UBR3: variants seen among roughly 807,000 people sequenced by gnomAD.
UBR3 encodes ubiquitin protein ligase E3 component n-recognin 3.
UBR3 carries 85 observed loss-of-function variants against 243.2 expected under a neutral mutation model. The ratio of observed to expected loss-of-function variants is 0.35; its 90% confidence interval spans 0.29 to 0.42. UBR3 has a LOEUF of 0.42. UBR3 is among the 10% of genes least tolerant of loss of function. The pLI is 1.00. For synonymous variants in UBR3, 748 were observed against 799.8 expected (o/e 0.94, Z 1.09); for missense variants, 1,686 against 2,300.8 (o/e 0.73, Z 5.47).
intron 27 of UBR3, among the ~76,000 whole-genome samples, chr2:170,003,917 G>C (rs1350534562): frequency 2.0e-5 from 3 of 152,216 alleles, no homozygotes; most frequent in Admixed American, 6.5e-5. Flanking sequence ...TAGGATTACA[G>C]GCGTGAGCCA....
chr2:170,007,076 A>AT lies in UBR3; in HGVS notation c.4117dup (p.Cys1373LeufsTer10). ...GGCAGTTTGCTAACAGTGTTCTTCC[A>AT]TGTTATCCTGGAAGCAATGTGGAAA... On this transcript the variant is annotated frameshift_variant, in exon 28 of 39. Transcript: ENST00000272793. LOFTEE classifies it high-confidence loss of function. 6.2e-7 allele frequency: 1 copy of AT among 1,613,516 alleles called. No homozygotes were observed. Among genetic ancestry groups the AT allele is most frequent in the Non-Finnish European group, 8.5e-7 (1 of 1,179,890 alleles).
chr2:169,875,090 C>G (rs1460462613), intron 2 of UBR3, among the ~76,000 whole-genome samples: 2 of 151,714 alleles, frequency 1.3e-5, no homozygotes, highest in African/African-American at 4.8e-5. Flanking sequence ...ACTTTAGTTG[C>G]TTTGACCTTC....
intron 32 of UBR3, among the ~76,000 whole-genome samples, chr2:170,044,715 A>G (rs2091042548): frequency 6.6e-6 from 1 of 152,184 alleles, no homozygotes; most frequent in African/African-American, 2.4e-5. Context: ...GAAGTGTGAA[A>G]GTAGGCAGGC....
intron 38 of UBR3, 143 bp from the exon 39 acceptor site, chr2:170,081,583 G>A (rs1197841710): frequency 3.0e-5 from 14 of 469,592 alleles, no homozygotes; most frequent in Admixed American, 2.9e-4. Flanking sequence ...CCAGCTACTC[G>A]AGAGGCTGAG....
chr2:170,081,341 A>G (rs927076628), intron 38 of UBR3, among the ~76,000 whole-genome samples: 14 of 152,088 alleles, frequency 9.2e-5, no homozygotes, highest in Admixed American at 4.6e-4. Context: ...TCTACTAAAA[A>G]TACAAAAAAT....
intron 31 of UBR3, among the ~76,000 whole-genome samples, chr2:170,030,552 T>A (rs1237642561): frequency 1.3e-5 from 2 of 152,156 alleles, no homozygotes; most frequent in South Asian, 2.1e-4. Flanking sequence ...TTCCTAATAA[T>A]ATTAACATAA....
At chr2:169,880,355 A>G (rs1178863802) in intron 5 of UBR3, among the ~76,000 whole-genome samples, 2 of 152,248 alleles carry the variant, frequency 1.3e-5, no homozygotes, top group Non-Finnish European at 2.9e-5. Flanking sequence ...GCCTAGCATT[A>G]TGTATCCAAC....
intron 19 of UBR3, among the ~76,000 whole-genome samples, chr2:169,934,474 G>A (rs1486336752): frequency 6.6e-6 from 1 of 152,080 alleles, no homozygotes; most frequent in African/African-American, 2.4e-5. Flanking sequence ...CATATTTATT[G>A]AATGCTCTGC....
intron 24 of UBR3, among the ~76,000 whole-genome samples, chr2:169,967,537 G>C (rs1264311260): frequency 6.6e-6 from 1 of 152,116 alleles, no homozygotes; most frequent in Non-Finnish European, 1.5e-5. Flanking sequence ...CGTAGGAATT[G>C]AAAAGGGTGG....
intron 24 of UBR3, among the ~76,000 whole-genome samples, chr2:169,971,611 G>C (rs2088149175): frequency 2.0e-5 from 3 of 151,960 alleles, no homozygotes; most frequent in Admixed American, 2.0e-4. Flanking sequence ...GTTTTTCTCA[G>C]GTTTGTCAAA....
At position 169,920,151 on chromosome 2, in the gene UBR3, T is replaced by C. The variant is rs578258018; in HGVS notation, c.1867-3778T>C. ...TATTCCAGCCATAAAAAATGATGAGTTCATGTCCTTTGTAGGGACATGGAT... is the reference window on the plus strand; with the variant it reads ...TATTCCAGCCATAAAAAATGATGAGCTCATGTCCTTTGTAGGGACATGGAT... On this transcript the variant is annotated intron_variant, in intron 11 of 38. Coordinates refer to ENST00000272793, the MANE Select transcript of UBR3 (RefSeq NM_172070.4). 1.4e-3 allele frequency among the ~76,000 whole-genome samples: 217 copies of C among 152,182 alleles called. 1 individual carries two copies. Among genetic ancestry groups the C allele is most frequent in the African/African-American group, 5.1e-3 (210 of 41,506 alleles).
chr2:170,004,568 CA>C (rs1388341807), intron 27 of UBR3, among the ~76,000 whole-genome samples: 2 of 151,642 alleles, frequency 1.3e-5, no homozygotes, highest in African/African-American at 2.4e-5. Flanking sequence ...GTAAAGGGGG[CA>C]GGGGTGGGGA....
chr2:169,996,847 C>G (rs1001252991), intron 26 of UBR3, among the ~76,000 whole-genome samples: 3 of 151,804 alleles, frequency 2.0e-5, no homozygotes, highest in Admixed American at 1.3e-4. Context: ...CTACAGGCGC[C>G]CACCACCATG....
At chr2:170,054,692 A>AT (rs1339189949) in intron 32 of UBR3, among the ~76,000 whole-genome samples, 2 of 151,962 alleles carry the variant, frequency 1.3e-5, no homozygotes, top group Admixed American at 6.6e-5. Context: ...AAACATCAAG[A>AT]TTTTTTTTAA....
At chr2:169,894,957 C>A (rs2084525631) in intron 6 of UBR3, among the ~76,000 whole-genome samples, 1 of 152,160 alleles carries the variant, frequency 6.6e-6, no homozygotes, top group South Asian at 2.1e-4. Context: ...TCCCCCCATT[C>A]ATTTTTCCAC....
chr2:169,905,673 C>T (rs1325558790), intron 9 of UBR3, among the ~76,000 whole-genome samples: 1 of 152,168 alleles, frequency 6.6e-6, no homozygotes, highest in Non-Finnish European at 1.5e-5. Context: ...CTGTGCCTGG[C>T]TTTGAAGCAT....
At chr2:170,067,724 TAATTCTA>T (rs1288811847) in intron 35 of UBR3, among the ~76,000 whole-genome samples, 1 of 151,766 alleles carries the variant, frequency 6.6e-6, no homozygotes, top group Non-Finnish European at 1.5e-5. Context: ...ATAAGCATCA[TAATTCTA>T]AGTAATTTGT....
At chr2:170,042,081 A>G (rs1026122360) in intron 32 of UBR3, among the ~76,000 whole-genome samples, 1 of 152,210 alleles carries the variant, frequency 6.6e-6, no homozygotes, top group Non-Finnish European at 1.5e-5. Flanking sequence ...CATTTTCATC[A>G]GCCCCAAAGG....
intron 1 of UBR3, among the ~76,000 whole-genome samples, chr2:169,838,825 C>T (rs1316476243): frequency 1.3e-5 from 2 of 152,210 alleles, no homozygotes; most frequent in Non-Finnish European, 2.9e-5. Flanking sequence ...CAAAGATACG[C>T]TTCATCCTGT....
Sources: gnomAD v4.1 joint callset for allele counts (sites outside exome capture counted in the v4.1 genomes callset) on GRCh38, gnomAD v4.1.1 for gene constraint, MANE v1.5 for transcripts, NCBI Gene and HGNC (gene_info 2026-07-23, HGNC 2026-07-21) for gene names.